Variants in VEPH1 observed in about 807,000 individuals in gnomAD.
The protein encoded by VEPH1 is ventricular zone-expressed PH domain-containing protein homolog 1.
VEPH1 carries 80 observed loss-of-function variants against 85.2 expected under a neutral mutation model. The ratio of observed to expected loss-of-function variants is 0.94; its 90% CI spans 0.78 to 1.13. The LOEUF (loss-of-function observed/expected upper bound fraction) is 1.13, where lower values mean the gene tolerates loss of function less well. VEPH1 is among the 50% of genes most tolerant of loss of function. VEPH1 has a pLI of 0.00. For synonymous variants in VEPH1, 297 were observed against 348.0 expected (o/e 0.85, Z 1.63); for missense variants, 955 against 980.5 (o/e 0.97, Z 0.35).
At chr3:157,459,367 C>A (rs888612339) in intron 4 of VEPH1, among the ~76,000 whole-genome samples, 4 of 152,118 alleles carry the variant, frequency 2.6e-5, no homozygotes, top group African/African-American at 9.7e-5. Flanking sequence ...CATAGGACAC[C>A]CTTGGGGACC....
chr3:157,272,375 T>TTTTCTTTTCTTTCTTTCTTTC, intron 12 of VEPH1, among the ~76,000 whole-genome samples: 2 of 95,038 alleles, frequency 2.1e-5, no homozygotes, highest in South Asian at 8.2e-4. Flanking sequence ...TTTCTCTTTC[T>TTTTCTTTTCTTTCTTTCTTTC]TTTCTTTCTT....
intron 6 of VEPH1, among the ~76,000 whole-genome samples, chr3:157,391,523 C>T (rs913695906): frequency 6.6e-6 from 1 of 152,178 alleles, no homozygotes; most frequent in Non-Finnish European, 1.5e-5. Context: ...TCAGCCATTA[C>T]CAGCGGCATG....
rs565728046 is a variant in VEPH1, at chr3:157,325,197, T to C, written c.1736-7996A>G. Among the ~76,000 whole-genome samples, 9 of 152,296 alleles carry C rather than the reference T, an allele frequency of 5.9e-5. No individual in the cohort carries two copies. In the South Asian group the frequency reaches 1.9e-3, roughly 32 times the overall value. The stretch of plus-strand genomic sequence containing the variant: ...TTTAATGGAGTTGTTTGTTTTTTTT[T>C]CTTGTAAATTTGTTTAAGTTCTTTG... On this transcript the variant is annotated intron_variant, in intron 9 of 13. Coordinates refer to ENST00000362010, the MANE Select transcript of VEPH1 (RefSeq NM_001167912.2).
chr3:157,424,209 A>G (rs951249237), intron 5 of VEPH1, among the ~76,000 whole-genome samples: 1 of 152,116 alleles, frequency 6.6e-6, no homozygotes, highest in African/African-American at 2.4e-5. Flanking sequence ...ACTTTTGCAT[A>G]TTCCTCATTT....
intron 9 of VEPH1, among the ~76,000 whole-genome samples, chr3:157,340,951 G>T (rs1723486473): frequency 6.6e-6 from 1 of 152,230 alleles, no homozygotes; most frequent in Non-Finnish European, 1.5e-5. Flanking sequence ...CAACAGACCT[G>T]CAGCTGAGAG....
chr3:157,428,646 A>C (rs1007094104), intron 4 of VEPH1, among the ~76,000 whole-genome samples, 158 bp from the exon 5 acceptor site: 2 of 152,232 alleles, frequency 1.3e-5, no homozygotes, highest in African/African-American at 2.4e-5. Flanking sequence ...TTATTCTGAG[A>C]TTAAAATGTG....
Position 157,265,609 on chromosome 3 carries a change from C to T in VEPH1, c.2182G>A (p.Val728Ile), listed in dbSNP as rs1713531888. The change falls in exon 13 of 14, where the codon GTC (valine) becomes ATC (isoleucine). Residue 728 changes from valine to isoleucine, a missense_variant. By Grantham distance (29) the Val-to-Ile change is conservative. Coordinates refer to ENST00000362010, the MANE Select transcript of VEPH1 (RefSeq NM_001167912.2). Reference protein sequence around the residue: ...LIEGKLKEKQVRWKFIKRWKT... With the variant: ...LIEGKLKEKQIRWKFIKRWKT... ...CACCTTTTGATGAACTTCCATCTGA[C>T]TTGCTTCTCTTTAAGTTTTCCTTCT... 7 of 1,613,772 alleles carry T rather than the reference C, an allele frequency of 4.3e-6. No homozygotes were observed. Among genetic ancestry groups the T allele is most frequent in the East Asian group, 2.2e-5 (1 of 44,844 alleles).
At chr3:157,440,258 C>A (rs1178334552) in intron 4 of VEPH1, among the ~76,000 whole-genome samples, 2 of 152,024 alleles carry the variant, frequency 1.3e-5, no homozygotes, top group African/African-American at 4.8e-5. Context: ...CATGACAGAG[C>A]CAGTTTTGTG....
chr3:157,309,501 A>C (rs1188188192), intron 11 of VEPH1, among the ~76,000 whole-genome samples: 1 of 152,152 alleles, frequency 6.6e-6, no homozygotes, highest in Non-Finnish European at 1.5e-5. Context: ...AACCCAGTCT[A>C]ATTAGTGACA....
At position 157,364,293 on chromosome 3, in the gene VEPH1, C is replaced by G; in HGVS notation, c.1337+10G>C. 6.3e-7 allele frequency: 1 copy of G among 1,589,708 alleles called. No homozygotes were observed. The highest frequency in any genetic ancestry group is 8.6e-7 in the Non-Finnish European group (1 of 1,163,958). ...TGTATGATTTAAAAAACAAACCAAA[C>G]GAGTTATACCTGTTAAATCTAATGT... On this transcript the variant is annotated intron_variant, in intron 8 of 13. Coordinates refer to ENST00000362010, the MANE Select transcript of VEPH1 (RefSeq NM_001167912.2).
chr3:157,291,289 G>A (rs988164782), intron 11 of VEPH1, among the ~76,000 whole-genome samples: 1 of 152,122 alleles, frequency 6.6e-6, no homozygotes, highest in African/African-American at 2.4e-5. Flanking sequence ...CTAATGATAT[G>A]GAGTACAAGG....
chr3:157,490,178 T>C (rs934984901), intron 2 of VEPH1, among the ~76,000 whole-genome samples: 1 of 151,878 alleles, frequency 6.6e-6, no homozygotes, highest in Non-Finnish European at 1.5e-5. Context: ...AAGATACTGA[T>C]AGAATTATTC....
chr3:157,356,113 G>A (rs1725398077), intron 9 of VEPH1, among the ~76,000 whole-genome samples: 1 of 152,010 alleles, frequency 6.6e-6, no homozygotes, highest in Admixed American at 6.6e-5. Flanking sequence ...TGCCCAGGCT[G>A]GCCGTGAACT....
At chr3:157,313,340 T>A (rs1720350632) in intron 11 of VEPH1, among the ~76,000 whole-genome samples, 1 of 152,130 alleles carries the variant, frequency 6.6e-6, no homozygotes, top group Non-Finnish European at 1.5e-5. Context: ...AGCTGTAAAA[T>A]CTTTTCTATT....
In VEPH1 at chr3:157,260,368, A is replaced by G. The variant is rs568890623; in HGVS notation, c.*766T>C. 1.2e-3 allele frequency: 176 copies of G among 152,312 alleles called. No homozygotes were observed. Among genetic ancestry groups the G allele is most frequent in the African/African-American group, 4.0e-3 (165 of 41,590 alleles). 9.4% of individuals were successfully genotyped at this position (152,312 alleles called of 1,614,324 possible). ...TACAAAGAAAAAATTATAGAACTTT[A>G]AAGTCTTAATTTTAACGGAGATGGC... On this transcript the variant is annotated 3_prime_UTR_variant, in exon 14 of 14. Transcript: ENST00000362010.
At chr3:157,326,769 T>C (rs981811245) in intron 9 of VEPH1, among the ~76,000 whole-genome samples, 3 of 152,178 alleles carry the variant, frequency 2.0e-5, no homozygotes, top group African/African-American at 7.2e-5. Flanking sequence ...ATTAGATACA[T>C]TATGGTAACA....
chr3:157,442,464 A>C lies in VEPH1; in HGVS notation c.530-13976T>G, dbSNP rs1488564460. 6 of 1,614,100 alleles carry C rather than the reference A, an allele frequency of 3.7e-6. No individual in the cohort carries two copies. In the African/African-American group the frequency reaches 6.7e-5, roughly 18 times the overall value. ...GAGGCTTGAGTCTTTTAGTGCCTGC[A>C]TTTGGGTCAAAGCCACAGATGTATT... On this transcript the variant is annotated intron_variant, in intron 4 of 13. Coordinates refer to ENST00000362010, the MANE Select transcript of VEPH1 (RefSeq NM_001167912.2).
At chr3:157,342,080 T>G (rs1165302262) in intron 9 of VEPH1, among the ~76,000 whole-genome samples, 5 of 152,142 alleles carry the variant, frequency 3.3e-5, no homozygotes, top group Admixed American at 6.5e-5. Flanking sequence ...CATGCCAAAT[T>G]GTAAAGACCA....
At position 157,389,830 on chromosome 3, in the gene VEPH1, C is replaced by G. The variant is rs749841824; in HGVS notation, c.907-8454G>C. Among the ~76,000 whole-genome samples the G allele has an allele frequency of 5.1e-4, 77 of 152,106 alleles. 1 individual carries two copies. Among genetic ancestry groups the G allele is most frequent in the Non-Finnish European group, 1.2e-4 (8 of 68,022 alleles). On this transcript the variant is annotated intron_variant, in intron 6 of 13. Coordinates refer to ENST00000362010, the MANE Select transcript of VEPH1 (RefSeq NM_001167912.2). ...CCTTGCAGTCATGCCCAGAGAGATG[C>G]AAGATCAGCTTTACTGAGGTCAGCT...
Sources: gnomAD v4.1 joint callset for allele counts (sites outside exome capture counted in the v4.1 genomes callset) on GRCh38, gnomAD v4.1.1 for gene constraint, MANE v1.5 for transcripts, NCBI Gene and HGNC (gene_info 2026-07-23, HGNC 2026-07-21) for gene names.